OR52N4: variants seen among roughly 807,000 people sequenced by gnomAD.
OR52N4 encodes olfactory receptor family 52 subfamily N member 4, also known as olfactory receptor 52N4.
OR52N4 carries 15 observed loss-of-function variants against 15.0 expected under a neutral mutation model. The ratio of observed to expected loss-of-function variants is 1.00; its 90% CI spans 0.67 to 1.54. OR52N4 has a LOEUF of 1.54. Ranked by LOEUF, OR52N4 falls within the 40% of genes most tolerant of loss-of-function variation. OR52N4 has a pLI of 0.00. For synonymous variants in OR52N4, 143 were observed against 143.7 expected (o/e 1.00, Z 0.03); for missense variants, 421 against 394.0 (o/e 1.07, Z -0.58).
the OR52N4 span, among the ~76,000 whole-genome samples, chr11:5,741,969 T>C: frequency 1.3e-5 from 2 of 151,992 alleles, no homozygotes; most frequent in African/African-American, 4.8e-5. Flanking sequence ...TTTTAAAAAA[T>C]AAAGAATTTC....
the OR52N4 span, among the ~76,000 whole-genome samples, chr11:5,741,370 T>A: frequency 6.6e-6 from 1 of 152,188 alleles, no homozygotes; most frequent in South Asian, 2.1e-4. Context: ...TGGAGATGGG[T>A]CAGACTCACT....
the OR52N4 span, among the ~76,000 whole-genome samples, chr11:5,728,716 A>G: frequency 6.6e-6 from 1 of 152,232 alleles, no homozygotes; most frequent in Non-Finnish European, 1.5e-5. Flanking sequence ...TCTGTCAGGA[A>G]TATAAGTGTT....
At chr11:5,746,466 C>T in the OR52N4 span, among the ~76,000 whole-genome samples, 1 of 152,104 alleles carries the variant, frequency 6.6e-6, no homozygotes, top group African/African-American at 2.4e-5. Context: ...ACAAATAACA[C>T]CATTCCAAAG....
At chr11:5,732,963 TAG>T in the OR52N4 span, among the ~76,000 whole-genome samples, 1 of 152,120 alleles carries the variant, frequency 6.6e-6, no homozygotes, top group Admixed American at 6.5e-5. Flanking sequence ...ATGAGAAACT[TAG>T]AGTTATTTTG....
the OR52N4 span, among the ~76,000 whole-genome samples, chr11:5,734,618 C>T: frequency 6.6e-6 from 1 of 151,898 alleles, no homozygotes; most frequent in Non-Finnish European, 1.5e-5. Context: ...AATTGTATCA[C>T]ACATATACAA....
At chr11:5,751,627 G>A (rs1169399868), upstream of OR52N4, among the ~76,000 whole-genome samples, 1 of 152,032 alleles carries the variant, frequency 6.6e-6, no homozygotes, top group Non-Finnish European at 1.5e-5. Flanking sequence ...TTTCGGGTGA[G>A]TCATTCACTT....
At chr11:5,729,522 C>G in the OR52N4 span, among the ~76,000 whole-genome samples, 1 of 152,180 alleles carries the variant, frequency 6.6e-6, no homozygotes, top group Non-Finnish European at 1.5e-5. Flanking sequence ...TTTTCTAGCA[C>G]AGAAACCTAC....
At chr11:5,729,622 T>A in the OR52N4 span, among the ~76,000 whole-genome samples, 2 of 152,356 alleles carry the variant, frequency 1.3e-5, no homozygotes, top group East Asian at 3.9e-4. Flanking sequence ...AATATACTTA[T>A]AAGCACTGCT....
chr11:5,729,686 C>A, the OR52N4 span, among the ~76,000 whole-genome samples: 11 of 152,216 alleles, frequency 7.2e-5, no homozygotes, highest in Admixed American at 1.3e-4. Flanking sequence ...TCTATGTGTT[C>A]ACCTTTTATG....
the OR52N4 span, chr11:5,737,186 A>T: frequency 1.1e-5 from 18 of 1,613,894 alleles, no homozygotes; most frequent in Non-Finnish European, 1.4e-5. Flanking sequence ...AAGTCTTATT[A>T]TACTGTCATA....
At chr11:5,733,368 C>T in the OR52N4 span, among the ~76,000 whole-genome samples, 1 of 152,036 alleles carries the variant, frequency 6.6e-6, no homozygotes. Flanking sequence ...CTGTTGTTAC[C>T]TTGACTATGC....
chr11:5,736,235 G>A, the OR52N4 span: 4 of 384,038 alleles, frequency 1.0e-5, no homozygotes, highest in African/African-American at 2.0e-5. Flanking sequence ...TATGTAAGAC[G>A]TTAATGGACA....
the OR52N4 span, among the ~76,000 whole-genome samples, chr11:5,728,903 A>G: frequency 6.6e-6 from 1 of 151,958 alleles, no homozygotes; most frequent in Non-Finnish European, 1.5e-5. Flanking sequence ...AATTTTTTTT[A>G]TTATACTTTA....
the OR52N4 span, chr11:5,737,628 G>T: frequency 1.8e-5 from 14 of 768,850 alleles, no homozygotes; most frequent in Non-Finnish European, 2.5e-5. Context: ...GAAAGCTTCA[G>T]AAAAGATACA....
upstream of OR52N4, among the ~76,000 whole-genome samples, chr11:5,752,486 G>C (rs1202702993): frequency 3.3e-5 from 5 of 152,122 alleles, no homozygotes; most frequent in African/African-American, 1.2e-4. Context: ...AGTTCATTTG[G>C]TGGCACTCAT....
At chr11:5,751,605 C>T (rs982077902), upstream of OR52N4, among the ~76,000 whole-genome samples, 1 of 152,006 alleles carries the variant, frequency 6.6e-6, no homozygotes, top group South Asian at 2.1e-4. Flanking sequence ...TAATAATTAT[C>T]AAAATAAAGT....
chr11:5,745,324 G>A, the OR52N4 span, among the ~76,000 whole-genome samples: 1 of 152,208 alleles, frequency 6.6e-6, no homozygotes, highest in East Asian at 1.9e-4. Context: ...AAGACTCCTA[G>A]ACTTGAAAAG....
At chr11:5,733,008 A>G in the OR52N4 span, among the ~76,000 whole-genome samples, 18 of 152,296 alleles carry the variant, frequency 1.2e-4, no homozygotes, top group Middle Eastern at 0.01. Context: ...TACATCCAGT[A>G]TAACTTCTAT....
the OR52N4 span, chr11:5,734,318 T>C: frequency 2.5e-5 from 10 of 399,694 alleles, no homozygotes; most frequent in East Asian, 3.2e-4. Context: ...TGTTGTTTTG[T>C]CAACATTCTG....
Sources: allele counts gnomAD v4.1 joint callset (sites outside exome capture counted in the v4.1 genomes callset), GRCh38; gene constraint gnomAD v4.1.1; transcripts MANE v1.5; gene names NCBI Gene and HGNC (gene_info 2026-07-23, HGNC 2026-07-21).